The following KIAA1549 variants were observed in gnomAD, a reference collection of about 807,000 sequenced individuals.
KIAA1549 encodes the protein KIAA1549.
KIAA1549 carries 70 observed loss-of-function variants against 156.4 expected under a neutral mutation model. That is an observed-to-expected ratio of 0.45 (90% CI 0.37 to 0.55). The LOEUF is 0.55. Among genes scored for constraint, KIAA1549 ranks in the 20% least tolerant of loss-of-function variants. KIAA1549 has a pLI of 0.00. For synonymous variants in KIAA1549, 1,103 were observed against 1,066.4 expected (o/e 1.03, Z -0.67); for missense variants, 2,428 against 2,540.9 (o/e 0.96, Z 0.96).
At position 138,918,239 on chromosome 7, in the gene KIAA1549, G is replaced by C. The variant is rs779327311; in HGVS notation, c.1387C>G (p.Leu463Val). The C allele has an allele frequency of 6.2e-7, 1 of 1,614,002 alleles. No homozygotes were observed. Residue 463 changes from leucine to valine, a missense_variant, in exon 2 of 20, where the codon CTA becomes GTA. Around this residue, in one of 5 missense-constraint regions of KIAA1549, gnomAD observed 893 missense variants for 847.9 expected, o/e 1.05. Transcript: ENST00000422774. This position sits in a 1 kb window ranked among gnomAD's most constrained non-coding sequence, Gnocchi z 4.2. ...MTVLEESSIS[L>V]MSSVVADFSE... ...AAGTCTGCTACGACGCTACTCATTAGAGAGATGCTGCTTTCTTCCAGCACG... is the reference window on the plus strand; with the variant it reads ...AAGTCTGCTACGACGCTACTCATTACAGAGATGCTGCTTTCTTCCAGCACG...
chr7:138,849,667 A>G (rs1810181371), intron 17 of KIAA1549, among the ~76,000 whole-genome samples: 1 of 151,956 alleles, frequency 6.6e-6, no homozygotes, highest in Admixed American at 6.6e-5. Flanking sequence ...TCTCCTAGGT[A>G]CTAAGCCTAG....
chr7:138,939,937 T>C (rs74869505), intron 1 of KIAA1549, among the ~76,000 whole-genome samples: 11,520 of 152,268 alleles, frequency 0.076, 537 homozygotes, highest in East Asian at 0.13. Flanking sequence ...GCTTGAAGCC[T>C]GTGGTTTGAG....
intron 1 of KIAA1549, among the ~76,000 whole-genome samples, chr7:138,941,271 C>T (rs1053782874): frequency 6.6e-6 from 1 of 152,116 alleles, no homozygotes; most frequent in African/African-American, 2.4e-5. Context: ...ATCATTGACC[C>T]TGTGAATATA....
At chr7:138,873,048 T>A (rs1810983353) in intron 12 of KIAA1549, among the ~76,000 whole-genome samples, 1 of 152,212 alleles carries the variant, frequency 6.6e-6, no homozygotes, top group Non-Finnish European at 1.5e-5. Context: ...AGCCTAACAT[T>A]TGAAACTTCA....
intron 1 of KIAA1549, among the ~76,000 whole-genome samples, chr7:138,952,530 G>A (rs1813531901): frequency 6.6e-6 from 1 of 152,134 alleles, no homozygotes; most frequent in South Asian, 2.1e-4. Flanking sequence ...ATATCAAATG[G>A]TGTTCATAAA....
intron 1 of KIAA1549, among the ~76,000 whole-genome samples, chr7:138,955,921 C>T (rs1813650087): frequency 6.6e-6 from 1 of 152,010 alleles, no homozygotes; most frequent in African/African-American, 2.4e-5. Context: ...GAGACGGAGT[C>T]TTGCTTCTGT....
rs1457333798 is a variant in KIAA1549 at position 138,861,313 on chromosome 7, C to T, written c.5073G>A (p.Leu1691=). 3.1e-6 allele frequency: 5 copies of T among 1,609,192 alleles called. No individual in the cohort carries two copies. The highest frequency in any genetic ancestry group is 2.5e-6 in the Non-Finnish European group (3 of 1,178,486). ...EEARQTMHSL[L]DDAFALVAPS... is the part of the protein sequence containing the mutation. ...GGGCCACGAGGGCAAAGGCGTCGTCCAGGAGGGAGTGCATGGTCTGGCGTG... is the reference window on the plus strand; with the variant it reads ...GGGCCACGAGGGCAAAGGCGTCGTCTAGGAGGGAGTGCATGGTCTGGCGTG... The change falls in exon 16 of 20, where the codon CTG becomes CTA. Residue 1691 remains leucine (L), a synonymous_variant. Transcript: ENST00000422774.
At chr7:138,972,275 C>A (rs553492653) in intron 1 of KIAA1549, among the ~76,000 whole-genome samples, 34 of 152,196 alleles carry the variant, frequency 2.2e-4, no homozygotes, top group African/African-American at 6.3e-4. Context: ...TCATTCCCAC[C>A]ACTACACCCT....
chr7:138,961,582 CT>C (rs1813849590), intron 1 of KIAA1549, among the ~76,000 whole-genome samples: 2 of 152,244 alleles, frequency 1.3e-5, no homozygotes, highest in Admixed American at 1.3e-4. Context: ...TCTATTCCTT[CT>C]TCTGTGATCC....
rs115657217 is a variant in KIAA1549, at chr7:138,878,547, G to C, written c.4345+991C>G. ...AAGGCGAGGCGGATGGATCGCTTGA[G>C]TCAAGGAGTTCAAGACCAGCCTGAG... On this transcript the variant is annotated intron_variant, in intron 12 of 19. Coordinates refer to ENST00000422774, the MANE Select transcript of KIAA1549 (RefSeq NM_001164665.2). Among the ~76,000 whole-genome samples the C allele has an allele frequency of 8.9e-3, 1,352 of 152,316 alleles. 19 individuals carry two copies. The highest frequency in any genetic ancestry group is 0.03 in the African/African-American group (1,266 of 41,568).
At chr7:138,920,185 T>C (rs1283983137) in intron 1 of KIAA1549, among the ~76,000 whole-genome samples, 1 of 147,060 alleles carries the variant, frequency 6.8e-6, no homozygotes, top group Non-Finnish European at 1.5e-5. Flanking sequence ...GCTCTCTACA[T>C]GGATGGATCC....
intron 10 of KIAA1549, among the ~76,000 whole-genome samples, chr7:138,889,578 G>A (rs1486165461): frequency 4.6e-5 from 7 of 152,152 alleles, no homozygotes; most frequent in Non-Finnish European, 7.4e-5. Flanking sequence ...ATTTCAAAAC[G>A]CTCAACTGAA....
intron 1 of KIAA1549, among the ~76,000 whole-genome samples, chr7:138,943,635 G>T (rs1813250807): frequency 6.6e-6 from 1 of 152,130 alleles, no homozygotes; most frequent in African/African-American, 2.4e-5. Context: ...GGATCACAAG[G>T]TCAGGAGATC....
intron 1 of KIAA1549, among the ~76,000 whole-genome samples, chr7:138,976,528 G>A (rs1814384624): frequency 6.6e-6 from 1 of 152,098 alleles, no homozygotes; most frequent in South Asian, 2.1e-4. Context: ...GCATATTCAC[G>A]TTTTATTACA....
In KIAA1549 at chr7:138,835,350, C is replaced by T. The variant is rs1444175608; in HGVS notation, c.*2556G>A. The T allele has an allele frequency of 4.7e-6, 1 of 214,138 alleles. No homozygotes were observed. The highest frequency in any genetic ancestry group is 6.9e-5 in the East Asian group (1 of 14,430). The allele number at this position is 214,138 out of a possible 1,614,324, so 13.3% of individuals were successfully genotyped here. On this transcript the variant is annotated 3_prime_UTR_variant, in exon 20 of 20. Transcript: ENST00000422774. ...GCTCACACCACACCATAACCACCGG[C>T]TGTTTATTATACATCATCTTTGGTC... is the stretch of plus-strand genomic sequence containing the variant.
At position 138,835,557 on chromosome 7, in the gene KIAA1549, G is replaced by GCCC; in HGVS notation, c.*2346_*2348dup. The GCCC allele has an allele frequency of 4.5e-6, 1 of 224,312 alleles. No homozygotes were observed. The highest frequency in any genetic ancestry group is 5.7e-5 in the Admixed American group (1 of 17,414). The allele number at this position is 224,312 out of a possible 1,614,324, so 13.9% of individuals were successfully genotyped here. ...CACACTCTATGTGCAAGCCTGTATG[G>GCCC]CCCTGAGCGGAACTGGGTGAGAAGG... On this transcript the variant is annotated 3_prime_UTR_variant, in exon 20 of 20. Transcript: ENST00000422774.
At chr7:138,910,829 G>A (rs1372843219) in intron 4 of KIAA1549, among the ~76,000 whole-genome samples, 2 of 149,026 alleles carry the variant, frequency 1.3e-5, no homozygotes, top group African/African-American at 5.0e-5. Flanking sequence ...CCCACCTGGT[G>A]GGACTACAGG....
rs1173095083 is a variant in KIAA1549, at chr7:138,981,243, T to A, written c.27A>T (p.Arg9=). 3 of 983,040 alleles carry A rather than the reference T, an allele frequency of 3.1e-6. No individual in the cohort carries two copies. Among genetic ancestry groups the A allele is most frequent in the African/African-American group, 1.8e-5 (1 of 56,496 alleles). 60.9% of individuals were successfully genotyped at this position (983,040 alleles called of 1,614,324 possible). The part of the protein sequence containing the change: MPGARRRR[R]GAAMEGKPRA... Reference sequence around the variant, plus strand: ...GGGGCTTCCCCTCCATGGCCGCGCCTCGGCGTCGGCGCCGCGCCCCCGGCA... The same window carrying A: ...GGGGCTTCCCCTCCATGGCCGCGCCACGGCGTCGGCGCCGCGCCCCCGGCA... The change falls in exon 1 of 20, where the codon CGA becomes CGT. Residue 9 remains arginine (R), a synonymous_variant. Transcript: ENST00000422774. The surrounding 1 kb of genome is among the most constrained non-coding windows in gnomAD (Gnocchi z 4.5).
intron 1 of KIAA1549, among the ~76,000 whole-genome samples, chr7:138,933,968 AAAT>A (rs1386288781): frequency 6.6e-6 from 1 of 152,206 alleles, no homozygotes; most frequent in Non-Finnish European, 1.5e-5. Flanking sequence ...TCTGTCTCAA[AAAT>A]AATAATAGTA....
Sources: allele counts gnomAD v4.1 joint callset (sites outside exome capture counted in the v4.1 genomes callset), GRCh38; gene constraint gnomAD v4.1.1; regional missense constraint gnomAD v4.1.1; non-coding constraint Gnocchi (gnomAD v3.1); transcripts MANE v1.5; gene names NCBI Gene and HGNC (gene_info 2026-07-23, HGNC 2026-07-21).